YWHAE: variants seen among roughly 807,000 people sequenced by gnomAD.
YWHAE encodes 14-3-3 protein epsilon.
YWHAE carries 4 observed loss-of-function variants against 30.1 expected under a neutral mutation model. That is an observed-to-expected ratio of 0.13 (90% CI 0.07 to 0.30). The LOEUF (loss-of-function observed/expected upper bound fraction) is 0.30. Ranked by LOEUF, YWHAE falls within the 10% of genes least tolerant of loss-of-function variation. The pLI, the probability that YWHAE is intolerant of heterozygous loss-of-function variation, is 1.00. For synonymous variants in YWHAE, 118 were observed against 111.8 expected (o/e 1.06, Z -0.35); for missense variants, 121 against 315.9 (o/e 0.38, Z 4.68).
Position 1,357,774 on chromosome 17 carries a change from A to T in YWHAE, c.578+3318T>A, listed in dbSNP as rs137865634. Among the ~76,000 whole-genome samples the T allele has an allele frequency of 1.0e-3, 155 of 151,526 alleles. 2 individuals carry two copies. The highest frequency in any genetic ancestry group is 3.5e-3 in the African/African-American group (145 of 41,270). Reference sequence around the variant, plus strand: ...AAACCCATCTCTACATAAAAATACAAAAATTAGCTGGGTATGGTGGCGGGC... The same window carrying T: ...AAACCCATCTCTACATAAAAATACATAAATTAGCTGGGTATGGTGGCGGGC... On this transcript the variant is annotated intron_variant, in intron 4 of 5. Transcript: ENST00000264335.
intron 1 of YWHAE, among the ~76,000 whole-genome samples, chr17:1,374,886 A>T (rs2073100299): frequency 6.6e-6 from 1 of 152,146 alleles, no homozygotes; most frequent in Non-Finnish European, 1.5e-5. Context: ...AAGGAACAGA[A>T]GTAGCATTGA....
At chr17:1,385,913 CA>C (rs934853387) in intron 1 of YWHAE, among the ~76,000 whole-genome samples, 5 of 151,744 alleles carry the variant, frequency 3.3e-5, no homozygotes, top group Non-Finnish European at 7.4e-5. Context: ...CCAGTCTCCA[CA>C]AAAAAGGGGG....
intron 1 of YWHAE, among the ~76,000 whole-genome samples, chr17:1,387,267 T>C (rs558047539): frequency 6.6e-6 from 1 of 152,228 alleles, no homozygotes; most frequent in South Asian, 2.1e-4. Flanking sequence ...CTCCTCTCAA[T>C]TTACGAGGAT....
intron 1 of YWHAE, among the ~76,000 whole-genome samples, chr17:1,383,746 G>A (rs1223453084): frequency 6.6e-6 from 1 of 152,026 alleles, no homozygotes; most frequent in African/African-American, 2.4e-5. Context: ...CTGCACAATC[G>A]TAAGTTGCTA....
chr17:1,356,786 C>T (rs1171662139), intron 4 of YWHAE, among the ~76,000 whole-genome samples: 1 of 145,304 alleles, frequency 6.9e-6, no homozygotes, highest in African/African-American at 2.6e-5. Context: ...TGGTGAAAAC[C>T]TGTCTCTACT....
rs191717940 is a variant in YWHAE at position 1,381,564 on chromosome 17, T to C, written c.65-16506A>G. Reference sequence around the variant, plus strand: ...AAATAAAACACGAAAGGCTCAAGAATGCATGTAAAGGGGGGAGGGGAATTT... The same window carrying C: ...AAATAAAACACGAAAGGCTCAAGAACGCATGTAAAGGGGGGAGGGGAATTT... On this transcript the variant is annotated intron_variant, in intron 1 of 5. Transcript: ENST00000264335. Among the ~76,000 whole-genome samples, 16 of 151,606 alleles carry C rather than the reference T, an allele frequency of 1.1e-4. No homozygotes were observed. In the East Asian group the frequency reaches 2.7e-3, roughly 26 times the overall value.
chr17:1,398,338 C>CT (rs142562453), intron 1 of YWHAE, among the ~76,000 whole-genome samples: 1,261 of 93,942 alleles, frequency 0.013, 10 homozygotes, highest in Non-Finnish European at 0.016. Context: ...ATCTTATCCC[C>CT]CCCCCCAACA....
chr17:1,381,322 C>T (rs1030984495), intron 1 of YWHAE, among the ~76,000 whole-genome samples: 7 of 152,044 alleles, frequency 4.6e-5, no homozygotes, highest in African/African-American at 1.4e-4. Context: ...CGAGACCAGC[C>T]TGACCAACAT....
In YWHAE at chr17:1,365,533, T is replaced by C. The variant is rs138317455; in HGVS notation, c.65-475A>G. Among the ~76,000 whole-genome samples the C allele has an allele frequency of 1.4e-4, 21 of 152,262 alleles. No individual in the cohort carries two copies. In the East Asian group the frequency reaches 4.1e-3, roughly 29 times the overall value. On this transcript the variant is annotated intron_variant, in intron 1 of 5. Transcript: ENST00000264335. The stretch of plus-strand genomic sequence containing the variant: ...GTATATGGTTGGCCACCAACAGACT[T>C]TGGATGTTTTCTATCCTTCCTCGTA...
chr17:1,351,465 TC>T (rs760826675), intron 5 of YWHAE, among the ~76,000 whole-genome samples: 1 of 151,648 alleles, frequency 6.6e-6, no homozygotes, highest in Non-Finnish European at 1.5e-5. Context: ...CAAAAACATG[TC>T]CCCAGAGGTG....
At chr17:1,393,320 CAA>C (rs879836225) in intron 1 of YWHAE, among the ~76,000 whole-genome samples, 27 of 102,036 alleles carry the variant, frequency 2.6e-4, no homozygotes, top group Admixed American at 4.2e-4. Flanking sequence ...GACCCTGTCT[CAA>C]AAAAAAAAAA....
At chr17:1,362,823 C>G (rs1156328514) in intron 2 of YWHAE, among the ~76,000 whole-genome samples, 1 of 152,188 alleles carries the variant, frequency 6.6e-6, no homozygotes, top group South Asian at 2.1e-4. Context: ...TCTGAATAAA[C>G]GACATCCCTG....
At chr17:1,378,034 G>GTCTC (rs1420337505) in intron 1 of YWHAE, among the ~76,000 whole-genome samples, 2 of 152,190 alleles carry the variant, frequency 1.3e-5, no homozygotes, top group African/African-American at 4.8e-5. Context: ...GGGCAACAGA[G>GTCTC]GTGAGACTCC....
At chr17:1,356,060 T>C (rs1340819610) in intron 4 of YWHAE, among the ~76,000 whole-genome samples, 1 of 152,074 alleles carries the variant, frequency 6.6e-6, no homozygotes, top group African/African-American at 2.4e-5. Context: ...TCCCAGCTAC[T>C]TGGGAGGATG....
intron 1 of YWHAE, among the ~76,000 whole-genome samples, chr17:1,386,825 G>A (rs1421229574): frequency 2.0e-5 from 3 of 152,134 alleles, no homozygotes; most frequent in Non-Finnish European, 4.4e-5. Flanking sequence ...ATGGTGGCAG[G>A]TGCCTGTAAT....
At chr17:1,360,471 CAG>C (rs1271397538) in intron 4 of YWHAE, among the ~76,000 whole-genome samples, 2 of 152,140 alleles carry the variant, frequency 1.3e-5, no homozygotes, top group Admixed American at 6.5e-5. Flanking sequence ...CCCATAGAAA[CAG>C]AACACTGGCT....
At chr17:1,356,144 G>A (rs1249345823) in intron 4 of YWHAE, among the ~76,000 whole-genome samples, 18 of 151,446 alleles carry the variant, frequency 1.2e-4, no homozygotes, top group Admixed American at 1.2e-3. Context: ...AGTCCAGCCT[G>A]GGCAACAGAG....
intron 1 of YWHAE, among the ~76,000 whole-genome samples, chr17:1,388,037 T>C (rs1328943766): frequency 1.4e-5 from 2 of 145,220 alleles, no homozygotes; most frequent in Non-Finnish European, 3.0e-5. Context: ...GTGATTCTCC[T>C]GCCTTAACCT....
intron 1 of YWHAE, among the ~76,000 whole-genome samples, chr17:1,391,214 T>C (rs980959205): frequency 6.6e-6 from 1 of 152,166 alleles, no homozygotes; most frequent in Non-Finnish European, 1.5e-5. Flanking sequence ...ACGTTCCCAT[T>C]TGTGGGGGAG....
Sources: allele counts gnomAD v4.1 joint callset (sites outside exome capture counted in the v4.1 genomes callset), GRCh38; gene constraint gnomAD v4.1.1; transcripts MANE v1.5; gene names NCBI Gene and HGNC (gene_info 2026-07-23, HGNC 2026-07-21).